Variants in DPP10 observed in about 807,000 individuals in gnomAD.
The protein encoded by DPP10 is dipeptidyl peptidase like 10, also known as inactive dipeptidyl peptidase 10.
A neutral mutation model predicts 120.9 loss-of-function variants in DPP10; 33 were observed. The ratio of observed to expected loss-of-function variants is 0.27; its 90% CI spans 0.21 to 0.37. The LOEUF (loss-of-function observed/expected upper bound fraction) is 0.37, where lower values mean the gene tolerates loss of function less well. Ranked by LOEUF, DPP10 falls within the 10% of genes least tolerant of loss-of-function variation. DPP10 has a pLI of 1.00. For synonymous variants in DPP10, 337 were observed against 326.1 expected (o/e 1.03, Z -0.36); for missense variants, 816 against 942.8 (o/e 0.87, Z 1.76).
chr2:115,367,872 A>G (rs2065170672), intron 3 of DPP10, among the ~76,000 whole-genome samples: 1 of 151,648 alleles, frequency 6.6e-6, no homozygotes, highest in South Asian at 2.1e-4. Context: ...GCAAAAGGAA[A>G]AAAATACTCA....
In DPP10 at chr2:114,808,543, C is replaced by CTT. The variant is rs71394111; in HGVS notation, c.60+365721_60+365722dup. Among the ~76,000 whole-genome samples the CTT allele has an allele frequency of 7.7e-3, 1,053 of 136,058 alleles. 16 individuals carry two copies. The highest frequency in any genetic ancestry group is 0.023 in the African/African-American group (838 of 36,888). The allele number at this position is 136,058 out of a possible 152,430, so 89.3% of individuals were successfully genotyped here. A position where few individuals can be genotyped will look rare whatever the true frequency, so the allele number is the denominator to read the frequency against. On this transcript the variant is annotated intron_variant, in intron 1 of 25. Transcript: ENST00000410059. The stretch of plus-strand genomic sequence containing the variant: ...ACAAACTGAGATTTTCGGAATCTAA[C>CTT]TTTTTTTTTTTTTTTTTGCTTAATG...
chr2:115,077,382 G>A (rs1211132358), intron 1 of DPP10, among the ~76,000 whole-genome samples: 6 of 151,854 alleles, frequency 4.0e-5, no homozygotes, highest in African/African-American at 1.5e-4. Flanking sequence ...CTTCAAAGAG[G>A]GATACATAAA....
intron 1 of DPP10, among the ~76,000 whole-genome samples, chr2:115,102,444 T>A (rs898206061): frequency 6.6e-6 from 1 of 152,142 alleles, no homozygotes; most frequent in African/African-American, 2.4e-5. Flanking sequence ...AGGGTCTCAC[T>A]CTGTCGCCCA....
chr2:114,703,993 C>T (rs1178242453), intron 1 of DPP10, among the ~76,000 whole-genome samples: 1 of 152,104 alleles, frequency 6.6e-6, no homozygotes, highest in African/African-American at 2.4e-5. Context: ...CTGCCTCCCA[C>T]AGAGCCGGGC....
chr2:115,474,935 C>A lies in DPP10; in HGVS notation c.272-24575C>A, dbSNP rs1178518243. 2.0e-5 allele frequency among the ~76,000 whole-genome samples: 3 copies of A among 152,200 alleles called. No homozygotes were observed. In the South Asian group the frequency reaches 6.2e-4, roughly 31 times the overall value. On this transcript the variant is annotated intron_variant, in intron 3 of 25. Transcript: ENST00000410059. ...GTTTCATGGGCCAAGCCCAGGGCCC[C>A]ACTGCCCTGTTCAGCCTTGGGACAC... is the stretch of plus-strand genomic sequence containing the variant.
chr2:114,729,967 T>C (rs1676732064), intron 1 of DPP10, among the ~76,000 whole-genome samples: 1 of 152,226 alleles, frequency 6.6e-6, no homozygotes, highest in Non-Finnish European at 1.5e-5. Context: ...TTCTGCCTAC[T>C]TGTCAATAGC....
chr2:114,859,863 A>G (rs1689673780), intron 1 of DPP10, among the ~76,000 whole-genome samples: 1 of 152,226 alleles, frequency 6.6e-6, no homozygotes, highest in Non-Finnish European at 1.5e-5. Context: ...TTTCAGGGCT[A>G]GGCTAGACCA....
chr2:115,445,711 C>T (rs1281272908), intron 3 of DPP10, among the ~76,000 whole-genome samples: 3 of 152,134 alleles, frequency 2.0e-5, no homozygotes, highest in Non-Finnish European at 4.4e-5. Flanking sequence ...TGCAGCCTGA[C>T]CATGTGGTAG....
chr2:114,941,134 G>T (rs1289268961), intron 1 of DPP10, among the ~76,000 whole-genome samples: 1 of 152,142 alleles, frequency 6.6e-6, no homozygotes, highest in Non-Finnish European at 1.5e-5. Flanking sequence ...GAAAGAATTT[G>T]TTCTTTTTTC....
intron 5 of DPP10, among the ~76,000 whole-genome samples, chr2:115,558,084 GT>G (rs1314258107): frequency 6.6e-6 from 1 of 152,100 alleles, no homozygotes; most frequent in Admixed American, 6.6e-5. Context: ...GTGTTTATGT[GT>G]GTTCTCTGAG....
intron 1 of DPP10, among the ~76,000 whole-genome samples, chr2:115,269,362 C>A (rs2105800142): frequency 6.6e-6 from 1 of 152,240 alleles, no homozygotes; most frequent in East Asian, 1.9e-4. Flanking sequence ...ACAAATAATT[C>A]CAGACTTTCT....
chr2:115,356,577 C>T (rs941799818), intron 3 of DPP10, among the ~76,000 whole-genome samples: 2 of 152,094 alleles, frequency 1.3e-5, no homozygotes, highest in Non-Finnish European at 1.5e-5. Context: ...CTGGCCAGTA[C>T]TTCCAATACT....
intron 1 of DPP10, among the ~76,000 whole-genome samples, chr2:114,840,810 G>A (rs1688099010): frequency 6.6e-6 from 1 of 152,120 alleles, no homozygotes; most frequent in Non-Finnish European, 1.5e-5. Flanking sequence ...CTTATTTGTG[G>A]TTTGACTGTG....
chr2:115,441,028 T>C (rs987649646), intron 3 of DPP10: 5 of 152,104 alleles, frequency 3.3e-5, no homozygotes, highest in African/African-American at 1.2e-4. Flanking sequence ...CTTTCCCAGC[T>C]AGAGAGAGTC....
intron 1 of DPP10, among the ~76,000 whole-genome samples, chr2:115,245,464 A>C (rs1295593052): frequency 1.3e-5 from 2 of 152,200 alleles, no homozygotes; most frequent in Non-Finnish European, 2.9e-5. Flanking sequence ...CACAATTAAA[A>C]AAATCAAAAA....
intron 1 of DPP10, chr2:114,834,100 T>C (rs1687392505): frequency 6.6e-6 from 1 of 151,880 alleles, no homozygotes; most frequent in Admixed American, 6.6e-5. Flanking sequence ...TACGCACCTA[T>C]GTATATATAA....
chr2:115,238,509 T>C (rs2058109401), intron 1 of DPP10, among the ~76,000 whole-genome samples: 1 of 152,196 alleles, frequency 6.6e-6, no homozygotes. Context: ...TTTCAAAAGT[T>C]GATTCCAACC....
At chr2:114,889,116 G>C (rs1389450139) in intron 1 of DPP10, among the ~76,000 whole-genome samples, 1 of 152,154 alleles carries the variant, frequency 6.6e-6, no homozygotes, top group Admixed American at 6.5e-5. Context: ...ACAAGCCAAG[G>C]AGAGAGGCTG....
intron 9 of DPP10, among the ~76,000 whole-genome samples, chr2:115,741,447 C>A (rs2149697599): frequency 1.3e-5 from 2 of 149,112 alleles, no homozygotes; most frequent in South Asian, 2.1e-4. Flanking sequence ...TTTGGCATGA[C>A]AGTTTGGACC....
Sources: gnomAD v4.1 joint callset for allele counts (sites outside exome capture counted in the v4.1 genomes callset) on GRCh38, gnomAD v4.1.1 for gene constraint, MANE v1.5 for transcripts, NCBI Gene and HGNC (gene_info 2026-07-23, HGNC 2026-07-21) for gene names.